PIK3C2G: variants seen among roughly 807,000 people sequenced by gnomAD.
PIK3C2G encodes phosphatidylinositol-4-phosphate 3-kinase catalytic subunit type 2 gamma.
A neutral mutation model predicts 181.1 loss-of-function variants in PIK3C2G; 168 were observed. The ratio of observed to expected loss-of-function variants is 0.93; its 90% CI spans 0.82 to 1.05. The LOEUF is 1.05. PIK3C2G is among the 50% of genes least tolerant of loss of function. PIK3C2G has a pLI of 0.00. For synonymous variants in PIK3C2G, 573 were observed against 592.2 expected (o/e 0.97, Z 0.47); for missense variants, 1,869 against 1,732.8 (o/e 1.08, Z -1.40).
intron 18 of PIK3C2G, among the ~76,000 whole-genome samples, chr12:18,471,490 A>G (rs78637768): frequency 6.6e-4 from 101 of 152,156 alleles, no homozygotes; most frequent in Non-Finnish European, 1.3e-3. Context: ...CTCTTGTCCA[A>G]TTTTTCAGGT....
chr12:18,607,077 A>G (rs928861642), intron 30 of PIK3C2G: 65 of 426,924 alleles, frequency 1.5e-4, no homozygotes, highest in Non-Finnish European at 2.7e-4. Flanking sequence ...GAGACATATA[A>G]AATAATTACA....
chr12:18,643,779 G>A (rs979702496), intron 32 of PIK3C2G, among the ~76,000 whole-genome samples: 2 of 151,748 alleles, frequency 1.3e-5, no homozygotes, highest in African/African-American at 2.4e-5. Context: ...TTATCACAGG[G>A]CATCTACCTT....
intron 18 of PIK3C2G, among the ~76,000 whole-genome samples, chr12:18,474,934 T>C (rs1938823097): frequency 6.6e-6 from 1 of 152,136 alleles, no homozygotes; most frequent in African/African-American, 2.4e-5. Flanking sequence ...TTATCTGCCC[T>C]TTAAGCACTA....
the PIK3C2G span, among the ~76,000 whole-genome samples, chr12:18,726,504 T>C: frequency 5.9e-5 from 9 of 152,120 alleles, no homozygotes; most frequent in Non-Finnish European, 1.0e-4. Context: ...TGGACCTACC[T>C]AGAGGAGGAG....
chr12:18,595,342 G>C (rs549387865), intron 30 of PIK3C2G, among the ~76,000 whole-genome samples: 1 of 151,944 alleles, frequency 6.6e-6, no homozygotes, highest in South Asian at 2.1e-4. Context: ...ATGATTACAG[G>C]GTGAAATCAT....
chr12:18,366,685 T>A (rs1405813259), intron 12 of PIK3C2G, among the ~76,000 whole-genome samples: 2 of 152,074 alleles, frequency 1.3e-5, no homozygotes, highest in Non-Finnish European at 2.9e-5. Context: ...AATAGTATAG[T>A]GAGGCAAACA....
the PIK3C2G span, chr12:18,719,450 C>T: frequency 6.5e-7 from 1 of 1,530,840 alleles, no homozygotes. Flanking sequence ...CCCCAAAGGT[C>T]ACTTGGTCCC....
At chr12:18,684,087 T>C in the PIK3C2G span, 18 of 1,600,206 alleles carry the variant, frequency 1.1e-5, no homozygotes, top group Admixed American at 3.4e-5. Context: ...ACACAAGTTA[T>C]ATTTAAATGC....
At chr12:18,639,066 G>T (rs866728142) in intron 31 of PIK3C2G, among the ~76,000 whole-genome samples, 1 of 151,802 alleles carries the variant, frequency 6.6e-6, no homozygotes, top group Non-Finnish European at 1.5e-5. Context: ...CCTGGGGGAG[G>T]ATATCAAATG....
At chr12:18,529,571 T>G (rs541349867) in intron 24 of PIK3C2G, among the ~76,000 whole-genome samples, 2 of 152,278 alleles carry the variant, frequency 1.3e-5, no homozygotes, top group African/African-American at 4.8e-5. Context: ...TTTAAATAGC[T>G]TATGTAGGTA....
intron 16 of PIK3C2G, among the ~76,000 whole-genome samples, chr12:18,416,290 G>A (rs11044092): frequency 0.15 from 23,144 of 151,900 alleles, 2,126 homozygotes; most frequent in South Asian, 0.37. Context: ...AAGAAAGCAA[G>A]CAAGCCGTAT....
intron 5 of PIK3C2G, among the ~76,000 whole-genome samples, chr12:18,295,654 A>C (rs1209292613): frequency 6.6e-6 from 1 of 151,960 alleles, no homozygotes; most frequent in Non-Finnish European, 1.5e-5. Context: ...AATTTATTTA[A>C]TTGGGTTTTA....
chr12:18,483,530 C>T (rs577658310), intron 18 of PIK3C2G, among the ~76,000 whole-genome samples: 29 of 151,620 alleles, frequency 1.9e-4, no homozygotes, highest in African/African-American at 5.8e-4. Context: ...TTATGATCCA[C>T]GAAAAAAGAC....
chr12:18,548,057 G>A (rs1444817000), intron 26 of PIK3C2G, among the ~76,000 whole-genome samples: 1 of 151,980 alleles, frequency 6.6e-6, no homozygotes, highest in Non-Finnish European at 1.5e-5. Flanking sequence ...CTTCCCCTCT[G>A]ACTGTTTAAC....
chr12:18,676,629 T>C, the PIK3C2G span, among the ~76,000 whole-genome samples: 26 of 152,286 alleles, frequency 1.7e-4, no homozygotes, highest in East Asian at 4.6e-3. Context: ...ATAATCAGTC[T>C]AGCAAGATGA....
At chr12:18,259,547 T>C (rs962797576), upstream of PIK3C2G, among the ~76,000 whole-genome samples, 2 of 152,042 alleles carry the variant, frequency 1.3e-5, no homozygotes, top group Admixed American at 6.6e-5. Context: ...ACATTTGCTT[T>C]AGAGTGGGGG....
At chr12:18,363,703 G>C (rs1592068186) in intron 12 of PIK3C2G, among the ~76,000 whole-genome samples, 1 of 152,166 alleles carries the variant, frequency 6.6e-6, no homozygotes, top group East Asian at 1.9e-4. Flanking sequence ...AAGACAGTTT[G>C]ACTCCCGGTA....
At position 18,325,057 on chromosome 12, in the gene PIK3C2G, A is replaced by G. The variant is rs1299103608; in HGVS notation, c.1231A>G (p.Arg411Gly). The G allele has an allele frequency of 6.3e-7, 1 of 1,577,552 alleles. No individual in the cohort carries two copies. Among genetic ancestry groups the G allele is most frequent in the East Asian group, 2.2e-5 (1 of 44,636 alleles). Residue 411 changes from arginine (R) to glycine (G), a missense_variant, in exon 8 of 33, where the codon AGA becomes GGA. Physicochemically the swap from Arg to Gly is moderately radical, Grantham distance 125. Transcript: ENST00000538779. ...VSRQCLLTLI[R>G]KYDFHLKYLL... The stretch of plus-strand genomic sequence containing the variant: ...CAGACAATGTCTCTTAACACTCATC[A>G]GAAAATATGACTTCCACCTGAAATA...
At chr12:18,602,002 CT>C (rs1252330633) in intron 30 of PIK3C2G, among the ~76,000 whole-genome samples, 1 of 152,100 alleles carries the variant, frequency 6.6e-6, no homozygotes, top group African/African-American at 2.4e-5. Flanking sequence ...TCTAGCTGAA[CT>C]CTGTAACAAT....
Sources: allele counts gnomAD v4.1 joint callset (sites outside exome capture counted in the v4.1 genomes callset), GRCh38; gene constraint gnomAD v4.1.1; transcripts MANE v1.5; gene names NCBI Gene and HGNC (gene_info 2026-07-23, HGNC 2026-07-21).